The following SFMBT2 variants were observed in gnomAD, a reference collection of about 807,000 sequenced individuals.
The protein encoded by SFMBT2 is scm-like with four MBT domains protein 2.
SFMBT2 carries 38 observed loss-of-function variants against 110.1 expected under a neutral mutation model. That is an observed-to-expected ratio of 0.35 (90% confidence interval 0.27 to 0.45). SFMBT2 has a LOEUF of 0.45. Ranked by LOEUF, SFMBT2 falls within the 20% of genes least tolerant of loss-of-function variation. The pLI is 1.00. For synonymous variants in SFMBT2, 425 were observed against 425.4 expected (o/e 1.00, Z 0.01); for missense variants, 1,011 against 1,094.9 (o/e 0.92, Z 1.08).
intron 9 of SFMBT2, among the ~76,000 whole-genome samples, chr10:7,240,921 A>G (rs1005653184): frequency 6.6e-6 from 1 of 152,132 alleles, no homozygotes; most frequent in African/African-American, 2.4e-5. Flanking sequence ...TATTTACCAC[A>G]TTCTTGAATG....
intron 7 of SFMBT2, among the ~76,000 whole-genome samples, chr10:7,266,382 G>A (rs189780412): frequency 1.3e-5 from 2 of 152,114 alleles, no homozygotes; most frequent in African/African-American, 4.8e-5. Flanking sequence ...GAGCCACCAC[G>A]CCCAGTCCAG....
chr10:7,256,370 G>A (rs558235301), intron 7 of SFMBT2, among the ~76,000 whole-genome samples: 24 of 152,294 alleles, frequency 1.6e-4, no homozygotes, highest in African/African-American at 5.5e-4. Context: ...GAGAGCTATT[G>A]CTAAGTTAAA....
At chr10:7,183,608 G>C (rs1410697055) in intron 16 of SFMBT2, among the ~76,000 whole-genome samples, 1 of 152,100 alleles carries the variant, frequency 6.6e-6, no homozygotes, top group African/African-American at 2.4e-5. Context: ...CCCTCTTTGG[G>C]GGCAGCTTCT....
chr10:7,392,099 G>A (rs2132106099), intron 1 of SFMBT2, among the ~76,000 whole-genome samples: 2 of 152,160 alleles, frequency 1.3e-5, no homozygotes, highest in Middle Eastern at 6.8e-3. Flanking sequence ...AAAAATATGG[G>A]GACACAGTTG....
chr10:7,315,036 AAG>A (rs879920055), intron 4 of SFMBT2, among the ~76,000 whole-genome samples: 1,202 of 79,384 alleles, frequency 0.015, 20 homozygotes, highest in Non-Finnish European at 0.02. Flanking sequence ...GAAAGAAAGA[AAG>A]AGAAAGAAAG....
Position 7,171,177 on chromosome 10 carries a change from C to T in SFMBT2, c.2416-121G>A. ...GCCACTGCCTCCCTTTGCTCCCTCACTGGGCACCTGAAAAAGCTGCACACA... is the reference window on the plus strand; with the variant it reads ...GCCACTGCCTCCCTTTGCTCCCTCATTGGGCACCTGAAAAAGCTGCACACA... On this transcript the variant is annotated intron_variant, in intron 19 of 20. Coordinates refer to ENST00000397167, the MANE Select transcript of SFMBT2 (RefSeq NM_001387889.1). The surrounding 1 kb of genome is among the most constrained non-coding windows in gnomAD (Gnocchi z 4.9). 1.3e-6 allele frequency: 2 copies of T among 1,518,158 alleles called. No homozygotes were observed. Among genetic ancestry groups the T allele is most frequent in the East Asian group, 2.3e-5 (1 of 43,916 alleles). The allele number at this position is 1,518,158 out of a possible 1,614,324, so 94.0% of individuals were successfully genotyped here.
intron 16 of SFMBT2, among the ~76,000 whole-genome samples, chr10:7,186,598 C>A (rs971817421): frequency 6.6e-6 from 1 of 152,052 alleles, no homozygotes; most frequent in African/African-American, 2.4e-5. Context: ...TCATGAGCCA[C>A]CACGCCTGGC....
Position 7,313,862 on chromosome 10 carries a change from T to C in SFMBT2, c.437-27908A>G, listed in dbSNP as rs113152328. On this transcript the variant is annotated intron_variant, in intron 4 of 20. Coordinates refer to ENST00000397167, the MANE Select transcript of SFMBT2 (RefSeq NM_001387889.1). ...AGACACCACTTTTCTCATCTAAATT[T>C]CTAATGTAAAATACCTTCATAAGAG... is the stretch of plus-strand genomic sequence containing the variant. 3.1e-4 allele frequency among the ~76,000 whole-genome samples: 47 copies of C among 152,320 alleles called. 2 individuals are homozygous for C. The highest frequency in any genetic ancestry group is 1.1e-3 in the African/African-American group (45 of 41,572).
intron 4 of SFMBT2, among the ~76,000 whole-genome samples, chr10:7,357,825 C>G (rs1168061738): frequency 1.3e-5 from 2 of 152,226 alleles, no homozygotes; most frequent in African/African-American, 2.4e-5. Flanking sequence ...AAAAGGCAGA[C>G]TCTCCCTAAT....
At chr10:7,246,893 G>A (rs1486690340) in intron 8 of SFMBT2, among the ~76,000 whole-genome samples, 1 of 151,924 alleles carries the variant, frequency 6.6e-6, no homozygotes, top group African/African-American at 2.4e-5. Context: ...AGAACAAAGG[G>A]GAATTCTGGC....
intron 4 of SFMBT2, among the ~76,000 whole-genome samples, chr10:7,343,774 A>C (rs1358466838): frequency 6.6e-6 from 1 of 152,182 alleles, no homozygotes; most frequent in African/African-American, 2.4e-5. Context: ...TGGTGGAATA[A>C]GGTGATGGTT....
chr10:7,227,493 T>G (rs1303977078), intron 10 of SFMBT2, among the ~76,000 whole-genome samples: 1 of 152,196 alleles, frequency 6.6e-6, no homozygotes, highest in Non-Finnish European at 1.5e-5. Flanking sequence ...GCTGCAGTAT[T>G]TAGAACTAGT....
At chr10:7,358,777 T>C (rs1283336452) in intron 4 of SFMBT2, among the ~76,000 whole-genome samples, 1 of 151,020 alleles carries the variant, frequency 6.6e-6, no homozygotes, top group Non-Finnish European at 1.5e-5. Context: ...AACATCTGCA[T>C]GGCCCTGGAA....
chr10:7,398,730 A>T (rs1056563620), intron 1 of SFMBT2, among the ~76,000 whole-genome samples: 2 of 152,220 alleles, frequency 1.3e-5, no homozygotes, highest in Admixed American at 1.3e-4. Context: ...TCCCTTATAA[A>T]TATTAAAAGG....
intron 7 of SFMBT2, among the ~76,000 whole-genome samples, chr10:7,260,334 G>A (rs1053489632): frequency 6.6e-6 from 1 of 152,178 alleles, no homozygotes; most frequent in Admixed American, 6.5e-5. Flanking sequence ...CCAGAGAAAA[G>A]GCAAGTGAAT....
At chr10:7,377,163 C>A (rs1845252866) in intron 2 of SFMBT2, among the ~76,000 whole-genome samples, 1 of 60,884 alleles carries the variant, frequency 1.6e-5, no homozygotes, top group Non-Finnish European at 2.9e-5. Context: ...AGCGAGACTC[C>A]ATCTCAAAAA....
At chr10:7,181,364 A>T (rs1838243185) in intron 16 of SFMBT2, among the ~76,000 whole-genome samples, 1 of 152,178 alleles carries the variant, frequency 6.6e-6, no homozygotes, top group African/African-American at 2.4e-5. Flanking sequence ...CCAAAAGCTG[A>T]AAAAAGATGA....
At chr10:7,198,017 C>A (rs139364031) in intron 14 of SFMBT2, 1 of 985,386 alleles carries the variant, frequency 1.0e-6, no homozygotes, top group African/African-American at 1.7e-5. Flanking sequence ...CTTAATGATA[C>A]CTTGGAAATT....
intron 4 of SFMBT2, among the ~76,000 whole-genome samples, chr10:7,355,996 ACT>A (rs1844497040): frequency 6.6e-6 from 1 of 152,164 alleles, no homozygotes; most frequent in South Asian, 2.1e-4. Context: ...TTTATCTCTT[ACT>A]CTGACAGTGG....
Sources: allele counts gnomAD v4.1 joint callset (sites outside exome capture counted in the v4.1 genomes callset), GRCh38; gene constraint gnomAD v4.1.1; non-coding constraint Gnocchi (gnomAD v3.1); transcripts MANE v1.5; gene names NCBI Gene and HGNC (gene_info 2026-07-23, HGNC 2026-07-21).